The following PHF14 variants were observed in gnomAD, a reference collection of about 807,000 sequenced individuals.
PHF14 encodes the protein PHD finger protein 14.
A neutral mutation model predicts 117.9 loss-of-function variants in PHF14; 55 were observed. That is an observed-to-expected ratio of 0.47 (90% CI 0.38 to 0.58). The LOEUF is 0.58. Among genes scored for constraint, PHF14 ranks in the 20% least tolerant of loss-of-function variants. The probability of loss-of-function intolerance (pLI) is 0.00; values close to 1 mark genes in which losing one functional copy is unlikely to be tolerated. For synonymous variants in PHF14, 409 were observed against 368.6 expected, an observed-to-expected ratio of 1.11 and a Z score of -1.26; for missense variants, 978 against 1,122.2, an observed-to-expected ratio of 0.87 and a Z score of 1.84.
Position 11,036,463 on chromosome 7 carries a change from C to G in PHF14, c.1648C>G (p.Leu550Val), listed in dbSNP as rs746336846. ...RLQQYRAKAELARSTRPQAWV... is the reference protein window; with the variant it reads ...RLQQYRAKAEVARSTRPQAWV... ...TCAGCAGTATCGTGCCAAAGCAGAA[C>G]TAGCTCGATCTACCAGACCCCAGGC... is the stretch of plus-strand genomic sequence containing the variant. The change falls in exon 9 of 18, where the codon CTA becomes GTA. Residue 550 changes from leucine (L) to valine (V), a missense_variant. Physicochemically the swap from Leu to Val is conservative, Grantham distance 32 (BLOSUM62 1). Around this residue, in one of 7 missense-constraint regions of PHF14, gnomAD observed 237 missense variants for 276.4 expected, o/e 0.86. Coordinates refer to ENST00000634607, the MANE Select transcript of PHF14 (RefSeq NM_001007157.2). 5 of 1,613,648 alleles carry G rather than the reference C, an allele frequency of 3.1e-6. No homozygotes were observed. In the East Asian group the frequency reaches 8.9e-5, roughly 29 times the overall value.
At chr7:11,097,947 A>T (rs1011143898) in intron 16 of PHF14, among the ~76,000 whole-genome samples, 1 of 151,980 alleles carries the variant, frequency 6.6e-6, no homozygotes, top group African/African-American at 2.4e-5. Flanking sequence ...GTGTGTGTAG[A>T]TAGGAGGGAG....
At chr7:10,992,794 C>T (rs1005513721) in intron 4 of PHF14, among the ~76,000 whole-genome samples, 1 of 152,076 alleles carries the variant, frequency 6.6e-6, no homozygotes, top group African/African-American at 2.4e-5. Flanking sequence ...GCCAATTGTC[C>T]CAACAATGTC....
At chr7:11,082,346 TCAAAAAA>T (rs1323494530) in intron 16 of PHF14, among the ~76,000 whole-genome samples, 1 of 152,162 alleles carries the variant, frequency 6.6e-6, no homozygotes, top group Non-Finnish European at 1.5e-5. Flanking sequence ...AGACCCTGTC[TCAAAAAA>T]CAAAGCAAAC....
chr7:11,129,159 A>T (rs1458886660), intron 17 of PHF14, among the ~76,000 whole-genome samples: 1 of 152,068 alleles, frequency 6.6e-6, no homozygotes, highest in East Asian at 1.9e-4. Context: ...TGTTACTGAA[A>T]TTATTTTTAA....
At chr7:11,006,914 C>T (rs1173744658) in intron 4 of PHF14, 1 of 475,960 alleles carries the variant, frequency 2.1e-6, no homozygotes, top group African/African-American at 2.0e-5. Context: ...GTGGCTCACA[C>T]CTTTAATCCC....
At chr7:11,020,288 A>C (rs574237182) in intron 5 of PHF14, among the ~76,000 whole-genome samples, 3 of 151,948 alleles carry the variant, frequency 2.0e-5, no homozygotes, top group Non-Finnish European at 4.4e-5. Context: ...CGAGGTTTCA[A>C]CCTGTTGCCC....
chr7:11,078,061 C>G (rs188190587), intron 16 of PHF14, among the ~76,000 whole-genome samples: 2 of 152,096 alleles, frequency 1.3e-5, no homozygotes, highest in Non-Finnish European at 2.9e-5. Context: ...TTAGTTCACA[C>G]TGTGGTATTT....
intron 16 of PHF14, among the ~76,000 whole-genome samples, chr7:11,077,519 T>C (rs920373870): frequency 1.3e-5 from 2 of 148,442 alleles, no homozygotes; most frequent in Admixed American, 1.4e-4. Context: ...GAGAATCACT[T>C]GAACCCAGGA....
intron 17 of PHF14, among the ~76,000 whole-genome samples, chr7:11,140,093 C>T (rs1788355430): frequency 6.6e-6 from 1 of 152,114 alleles, no homozygotes. Flanking sequence ...CACCTCTATA[C>T]ACATTTCTAT....
chr7:10,991,127 A>T (rs1379259395), intron 4 of PHF14, among the ~76,000 whole-genome samples: 2 of 151,664 alleles, frequency 1.3e-5, no homozygotes, highest in African/African-American at 4.9e-5. Flanking sequence ...GGTAGCTGGG[A>T]CTACAGGCGC....
At chr7:11,038,102 T>C (rs1784370911) in intron 10 of PHF14, among the ~76,000 whole-genome samples, 1 of 152,152 alleles carries the variant, frequency 6.6e-6, no homozygotes, top group Non-Finnish European at 1.5e-5. Context: ...TCAGTGGTAT[T>C]GTGGCTTGAA....
chr7:11,127,977 C>G (rs914318137), intron 17 of PHF14, among the ~76,000 whole-genome samples: 2 of 151,970 alleles, frequency 1.3e-5, no homozygotes, highest in African/African-American at 2.4e-5. Flanking sequence ...TCCAGGCCAC[C>G]ATTTACTCTC....
chr7:11,104,299 A>T, intron 16 of PHF14: 1 of 983,066 alleles, frequency 1.0e-6, no homozygotes, highest in Non-Finnish European at 1.2e-6. Flanking sequence ...TTATACATAT[A>T]GACTGCAAAA....
intron 13 of PHF14, among the ~76,000 whole-genome samples, chr7:11,047,018 CT>C (rs11323530): frequency 0.036 from 5,186 of 144,172 alleles, 289 homozygotes; most frequent in African/African-American, 0.12. Flanking sequence ...TCATAAAATC[CT>C]TTTTTTTTTT....
At chr7:11,095,702 A>G (rs1786823378) in intron 16 of PHF14, among the ~76,000 whole-genome samples, 1 of 152,186 alleles carries the variant, frequency 6.6e-6, no homozygotes, top group Non-Finnish European at 1.5e-5. Context: ...AAAAAGTCAA[A>G]TAATTTTCTA....
At chr7:11,020,783 A>G (rs1417176995) in intron 5 of PHF14, among the ~76,000 whole-genome samples, 1 of 152,160 alleles carries the variant, frequency 6.6e-6, no homozygotes, top group Non-Finnish European at 1.5e-5. Context: ...TCTGAAACCA[A>G]TTCTTCATAT....
intron 16 of PHF14, among the ~76,000 whole-genome samples, chr7:11,064,862 G>C (rs1785370306): frequency 6.6e-6 from 1 of 151,934 alleles, no homozygotes; most frequent in Non-Finnish European, 1.5e-5. Context: ...AATCATACTT[G>C]CTTCATTAGG....
chr7:11,070,699 A>G (rs1785586842), intron 16 of PHF14, among the ~76,000 whole-genome samples: 1 of 152,136 alleles, frequency 6.6e-6, no homozygotes, highest in South Asian at 2.1e-4. Flanking sequence ...AAGTTGTGTC[A>G]TTATTGTCTG....
chr7:11,016,440 A>G (rs1783538785), intron 5 of PHF14, among the ~76,000 whole-genome samples: 1 of 152,084 alleles, frequency 6.6e-6, no homozygotes, highest in Non-Finnish European at 1.5e-5. Context: ...TCTTGATGGG[A>G]GCCACAAGTT....
Sources: gnomAD v4.1 joint callset for allele counts (sites outside exome capture counted in the v4.1 genomes callset) on GRCh38, gnomAD v4.1.1 for gene constraint, gnomAD v4.1.1 regional missense constraint, MANE v1.5 for transcripts, NCBI Gene and HGNC (gene_info 2026-07-23, HGNC 2026-07-21) for gene names.